The following CNBD1 variants were observed in gnomAD, a reference collection of about 807,000 sequenced individuals.
CNBD1 encodes cyclic nucleotide binding domain containing 1.
A neutral mutation model predicts 54.4 loss-of-function variants in CNBD1; 71 were observed. The observed-to-expected ratio is 1.30, with a 90% CI of 1.08 to 1.59. The LOEUF is 1.59. CNBD1 is among the 40% of genes most tolerant of loss of function. CNBD1 has a pLI of 0.00. For synonymous variants in CNBD1, 182 were observed against 170.7 expected (o/e 1.07, Z -0.51); for missense variants, 659 against 518.0 (o/e 1.27, Z -2.64).
intron 2 of CNBD1, among the ~76,000 whole-genome samples, chr8:87,388,134 G>T (rs576628363): frequency 5.7e-4 from 86 of 152,180 alleles, no homozygotes; most frequent in African/African-American, 1.8e-3. Context: ...AGCACTAAAT[G>T]CCCACAAGAG....
chr8:87,270,485 A>T (rs1808339894), intron 6 of CNBD1, among the ~76,000 whole-genome samples: 1 of 151,928 alleles, frequency 6.6e-6, no homozygotes, highest in African/African-American at 2.4e-5. Context: ...AGATTGTGAG[A>T]AAAATGGAAC....
At chr8:86,976,905 A>C (rs910053868) in intron 4 of CNBD1, among the ~76,000 whole-genome samples, 5 of 152,044 alleles carry the variant, frequency 3.3e-5, no homozygotes, top group African/African-American at 1.2e-4. Flanking sequence ...AAGTTTGCTT[A>C]TGAGTTTTAA....
chr8:87,363,882 G>A (rs1259097714), intron 10 of CNBD1, among the ~76,000 whole-genome samples: 1 of 151,292 alleles, frequency 6.6e-6, no homozygotes, highest in South Asian at 2.1e-4. Context: ...GTCAATTTTG[G>A]CTTTTGTTGT....
Position 87,368,736 on chromosome 8 carries a change from G to A in CNBD1, c.1304-13884G>A, listed in dbSNP as rs139476523. ...AAGAGGGGTATTTGGTATTTTGTAGGCATCAAGCTGACCTTGCTTTTGTCT... is the reference window on the plus strand; with the variant it reads ...AAGAGGGGTATTTGGTATTTTGTAGACATCAAGCTGACCTTGCTTTTGTCT... On this transcript the variant is annotated intron_variant, in intron 10 of 10. Coordinates refer to ENST00000518476, the MANE Select transcript of CNBD1 (RefSeq NM_173538.3). 2.6e-5 allele frequency among the ~76,000 whole-genome samples: 4 copies of A among 152,090 alleles called. No individual in the cohort carries two copies. In the East Asian group the frequency reaches 7.8e-4, roughly 30 times the overall value.
chr8:86,947,055 C>A (rs916830721), intron 4 of CNBD1, among the ~76,000 whole-genome samples: 1 of 152,008 alleles, frequency 6.6e-6, no homozygotes, highest in East Asian at 1.9e-4. Context: ...AAAATTTTGG[C>A]AAGATTTGGT....
intron 4 of CNBD1, among the ~76,000 whole-genome samples, chr8:86,976,010 T>C (rs1650094463): frequency 6.6e-6 from 1 of 151,892 alleles, no homozygotes; most frequent in African/African-American, 2.4e-5. Flanking sequence ...TCATACCTGT[T>C]GACCACGCAT....
intron 2 of CNBD1, among the ~76,000 whole-genome samples, chr8:87,391,141 AAATG>A (rs1467896753): frequency 1.1e-4 from 17 of 152,140 alleles, no homozygotes; most frequent in Admixed American, 9.2e-4. Context: ...ACCTAATGTT[AAATG>A]AAGAGATAAT....
chr8:87,271,617 G>C (rs1808365561), intron 6 of CNBD1, among the ~76,000 whole-genome samples: 1 of 151,914 alleles, frequency 6.6e-6, no homozygotes, highest in African/African-American at 2.4e-5. Context: ...AGACGCTGTT[G>C]AGGATGTGGA....
At chr8:87,284,899 A>G (rs1808663287) in intron 7 of CNBD1, 84 bp downstream of exon 7, 4 of 965,952 alleles carry the variant, frequency 4.1e-6, no homozygotes, top group Non-Finnish European at 5.9e-6. Context: ...AAAGACAGCT[A>G]TATCTGTTTT....
At chr8:87,360,073 A>G (rs186881018) in intron 10 of CNBD1, among the ~76,000 whole-genome samples, 1 of 152,110 alleles carries the variant, frequency 6.6e-6, no homozygotes, top group Non-Finnish European at 1.5e-5. Context: ...GGTCTTATGT[A>G]AATCATGTAA....
In CNBD1 at chr8:87,322,205, G is replaced by C. The variant is rs1260811726; in HGVS notation, c.1043-29480G>C. Among the ~76,000 whole-genome samples, 3 of 122,236 alleles carry C rather than the reference G, an allele frequency of 2.5e-5. 1 individual carries two copies. Among genetic ancestry groups the C allele is most frequent in the African/African-American group, 6.2e-5 (2 of 32,372 alleles). 80.2% of individuals were successfully genotyped at this position (122,236 alleles called of 152,430 possible). On this transcript the variant is annotated intron_variant, in intron 8 of 10. Transcript: ENST00000518476. ...CATTTTCTTAATCCAGTCTATCATTGTTGGACATTTGGGTTGTTTCCAAGT... is the reference window on the plus strand; with the variant it reads ...CATTTTCTTAATCCAGTCTATCATTCTTGGACATTTGGGTTGTTTCCAAGT...
intron 6 of CNBD1, among the ~76,000 whole-genome samples, chr8:87,262,491 G>A (rs1032153033): frequency 1.3e-5 from 2 of 152,126 alleles, no homozygotes; most frequent in South Asian, 4.1e-4. Flanking sequence ...CTTCACCAAT[G>A]TGGGCAGCCA....
rs1193761620 is a variant in CNBD1 at position 87,224,639 on chromosome 8, A to C, written c.578-12280A>C. Among the ~76,000 whole-genome samples, 144 of 151,768 alleles carry C rather than the reference A, an allele frequency of 9.5e-4. 1 individual carries two copies. Among genetic ancestry groups the C allele is most frequent in the African/African-American group, 3.3e-3 (137 of 41,094 alleles). ...GTACCAGTACCATGCTGTTTTGGTT[A>C]CTGTAGCCTTGTAGTATAGTTTGAA... On this transcript the variant is annotated intron_variant, in intron 5 of 10. Coordinates refer to ENST00000518476, the MANE Select transcript of CNBD1 (RefSeq NM_173538.3).
Position 87,166,838 on chromosome 8 carries a change from A to T in CNBD1, c.432-39155A>T, listed in dbSNP as rs1007998308. Among the ~76,000 whole-genome samples the T allele has an allele frequency of 1.3e-5, 2 of 151,910 alleles. No homozygotes were observed. Among genetic ancestry groups the T allele is most frequent in the African/African-American group, 2.4e-5 (1 of 41,402 alleles). ...GTCAGGCATTCTGCAACCCCACCAC[A>T]AACTCATAATTGTTCTATTTTCCAG... On this transcript the variant is annotated intron_variant, in intron 4 of 10. Coordinates refer to ENST00000518476, the MANE Select transcript of CNBD1 (RefSeq NM_173538.3). This position sits in a 1 kb window ranked among gnomAD's most constrained non-coding sequence, Gnocchi z 4.3.
At chr8:87,397,563 G>A (rs1267916674) in intron 2 of CNBD1, among the ~76,000 whole-genome samples, 1 of 151,916 alleles carries the variant, frequency 6.6e-6, no homozygotes, top group African/African-American at 2.4e-5. Context: ...AAGAGTGCTA[G>A]AAATGTAGTG....
chr8:87,235,536 G>A (rs1277313279), intron 5 of CNBD1, among the ~76,000 whole-genome samples: 1 of 152,066 alleles, frequency 6.6e-6, no homozygotes, highest in Non-Finnish European at 1.5e-5. Context: ...TGGGGAAACA[G>A]CCATTGAATA....
At chr8:87,099,062 A>AC in intron 4 of CNBD1, among the ~76,000 whole-genome samples, 1 of 143,804 alleles carries the variant, frequency 7.0e-6, no homozygotes, top group African/African-American at 2.8e-5. Context: ...AAAAAAAAAC[A>AC]AAACTCCAAA....
At chr8:87,385,055 G>A (rs1180555759), downstream of CNBD1, among the ~76,000 whole-genome samples, 1 of 152,198 alleles carries the variant, frequency 6.6e-6, no homozygotes, top group Non-Finnish European at 1.5e-5. Flanking sequence ...GGTTCTATAT[G>A]CAAAATAGAT....
At chr8:86,899,923 A>G (rs1808907359) in intron 2 of CNBD1, among the ~76,000 whole-genome samples, 1 of 151,742 alleles carries the variant, frequency 6.6e-6, no homozygotes, top group Admixed American at 6.6e-5. Flanking sequence ...CCTCCCACCC[A>G]TGCTCCTTCG....
Sources: allele counts gnomAD v4.1 joint callset (sites outside exome capture counted in the v4.1 genomes callset), GRCh38; gene constraint gnomAD v4.1.1; non-coding constraint Gnocchi (gnomAD v3.1); transcripts MANE v1.5; gene names NCBI Gene and HGNC (gene_info 2026-07-23, HGNC 2026-07-21).